SEC23B: variants seen among roughly 807,000 people sequenced by gnomAD.
SEC23B encodes SEC23 homolog B, COPII component, also known as protein transport protein Sec23B.
SEC23B carries 77 observed loss-of-function variants against 104.3 expected under a neutral mutation model. The ratio of observed to expected loss-of-function variants is 0.74; its 90% confidence interval spans 0.61 to 0.89. SEC23B has a LOEUF of 0.89. Ranked by LOEUF, SEC23B falls within the 40% of genes least tolerant of loss-of-function variation. The pLI, the probability that SEC23B is intolerant of heterozygous loss-of-function variation, is 0.00. For missense variants in SEC23B, 885 were observed against 949.4 expected (o/e 0.93, Z 0.89); for synonymous variants, 338 against 332.5 (o/e 1.02, Z -0.18).
chr20:18,510,867 A>C lies in SEC23B; in HGVS notation c.32A>C (p.Asn11Thr). The C allele has an allele frequency of 6.2e-7, 1 of 1,614,228 alleles. No individual in the cohort carries two copies. Among genetic ancestry groups the C allele is most frequent in the South Asian group, 1.1e-5 (1 of 91,086 alleles). The part of the protein sequence containing the change: MATYLEFIQQ[N>T]EERDGVRFSW... ...ACATACCTGGAGTTCATCCAGCAGAATGAAGAACGGGATGGTGTGCGTTTT... is the reference window on the plus strand; with the variant it reads ...ACATACCTGGAGTTCATCCAGCAGACTGAAGAACGGGATGGTGTGCGTTTT... The change falls in exon 2 of 20, where the codon AAT (asparagine) becomes ACT (threonine). Residue 11 changes from asparagine (N) to threonine (T), a missense_variant. Physicochemically the swap from Asn to Thr is moderately conservative, Grantham distance 65. Coordinates refer to ENST00000650089, the MANE Select transcript of SEC23B (RefSeq NM_006363.6).
intron 17 of SEC23B, among the ~76,000 whole-genome samples, chr20:18,551,482 G>A (rs576064268): frequency 4.7e-4 from 72 of 152,268 alleles, no homozygotes; most frequent in Non-Finnish European, 9.0e-4. Context: ...GGGATGCTGA[G>A]GTGGGCAGAT....
intron 19 of SEC23B, among the ~76,000 whole-genome samples, chr20:18,558,050 C>T (rs1363075571): frequency 6.6e-6 from 1 of 152,154 alleles, no homozygotes; most frequent in Non-Finnish European, 1.5e-5. Context: ...CGCGCCTGGC[C>T]TACTTTTAAC....
chr20:18,520,815 C>T (rs905136099), intron 4 of SEC23B, among the ~76,000 whole-genome samples: 8 of 151,916 alleles, frequency 5.3e-5, no homozygotes, highest in African/African-American at 1.5e-4. Context: ...GCTCGGCGTC[C>T]GTGATGGTCT....
intron 19 of SEC23B, 126 bp from the exon 20 acceptor site, chr20:18,560,525 T>C (rs1216481676): frequency 1.3e-6 from 1 of 747,628 alleles, no homozygotes; most frequent in African/African-American, 1.7e-5. Context: ...GAGGATGGGG[T>C]GATGGGAGTA....
At chr20:18,516,452 T>C (rs1024497583) in intron 4 of SEC23B, among the ~76,000 whole-genome samples, 14 of 152,134 alleles carry the variant, frequency 9.2e-5, no homozygotes, top group African/African-American at 3.1e-4. Flanking sequence ...AGAACTAAAC[T>C]GTTTTTATTA....
intron 4 of SEC23B, 146 bp downstream of exon 4, chr20:18,515,882 A>G: frequency 1.5e-6 from 1 of 679,212 alleles, no homozygotes; most frequent in Non-Finnish European, 2.7e-6. Flanking sequence ...ATGTGTGTGC[A>G]TCTACTGGCA....
Position 18,547,095 on chromosome 20 carries a change from A to G in SEC23B, c.1743+1062A>G, listed in dbSNP as rs370809024. Reference sequence around the variant, plus strand: ...AGGACTTGATGAAGACTCTAAGAGCACAGCTTGAAAACCAGATGAAATGCT... The same window carrying G: ...AGGACTTGATGAAGACTCTAAGAGCGCAGCTTGAAAACCAGATGAAATGCT... On this transcript the variant is annotated intron_variant, in intron 15 of 19. Coordinates refer to ENST00000650089, the MANE Select transcript of SEC23B (RefSeq NM_006363.6). 1.8e-4 allele frequency among the ~76,000 whole-genome samples: 28 copies of G among 151,992 alleles called. 1 individual carries two copies. The highest frequency in any genetic ancestry group is 5.2e-4 in the Admixed American group (8 of 15,264).
chr20:18,532,957 G>T (rs1396012847), intron 11 of SEC23B, among the ~76,000 whole-genome samples: 2 of 152,180 alleles, frequency 1.3e-5, no homozygotes, highest in Non-Finnish European at 2.9e-5. Flanking sequence ...GGCCCAGAAA[G>T]GTTCAGTATC....
intron 10 of SEC23B, among the ~76,000 whole-genome samples, chr20:18,531,652 C>CA (rs11482973): frequency 0.34 from 33,825 of 99,408 alleles, 6,059 homozygotes; most frequent in Non-Finnish European, 0.37. Context: ...GAAACTGTCT[C>CA]AAAAAAAAAA....
At chr20:18,512,195 A>G (rs1437110562) in intron 2 of SEC23B, 30 bp from the exon 3 acceptor site, 2 of 1,355,632 alleles carry the variant, frequency 1.5e-6, no homozygotes, top group Non-Finnish European at 1.0e-6. Context: ...TAAAAGTGGT[A>G]CCTACTTATA....
intron 14 of SEC23B, among the ~76,000 whole-genome samples, chr20:18,545,227 C>A (rs2060321582): frequency 6.6e-6 from 1 of 152,018 alleles, no homozygotes; most frequent in African/African-American, 2.4e-5. Flanking sequence ...AAGAACTAAC[C>A]CCCAAGGAGT....
chr20:18,553,174 T>C (rs956754643), intron 17 of SEC23B, among the ~76,000 whole-genome samples: 7 of 152,236 alleles, frequency 4.6e-5, no homozygotes, highest in Non-Finnish European at 7.3e-5. Context: ...GACAGTGACA[T>C]TGCTCTCACC....
chr20:18,525,360 A>G (rs2060124931), intron 6 of SEC23B, among the ~76,000 whole-genome samples: 1 of 152,204 alleles, frequency 6.6e-6, no homozygotes, highest in Admixed American at 6.5e-5. Context: ...AAGCTCGATA[A>G]AATGCATTGC....
intron 9 of SEC23B, among the ~76,000 whole-genome samples, chr20:18,529,664 C>G (rs2060165327): frequency 6.6e-6 from 1 of 152,204 alleles, no homozygotes; most frequent in African/African-American, 2.4e-5. Flanking sequence ...GATTGCTCTT[C>G]CTGGAGGAAC....
rs767325467 is a variant in SEC23B, at chr20:18,554,270, C to A, written c.2028C>A (p.Asp676Glu). ...IAQWRKAGYQ[D>E]MPEYENFKHL... ...AGTGGCGTAAAGCTGGCTACCAGGACATGCCCGAGTATGAAAACTTCAAGC... is the reference window on the plus strand; with the variant it reads ...AGTGGCGTAAAGCTGGCTACCAGGAAATGCCCGAGTATGAAAACTTCAAGC... Residue 676 changes from aspartate to glutamate, a missense_variant, in exon 18 of 20, where the codon GAC becomes GAA. Physicochemically the swap from Asp to Glu is conservative, Grantham distance 45. Coordinates refer to ENST00000650089, the MANE Select transcript of SEC23B (RefSeq NM_006363.6). 8 of 1,614,058 alleles carry A rather than the reference C, an allele frequency of 5.0e-6. No homozygotes were observed. In the Admixed American group the frequency reaches 1.3e-4, roughly 27 times the overall value.
chr20:18,512,361 G>T (rs766065824), intron 3 of SEC23B, 79 bp downstream of exon 3: 2 of 884,232 alleles, frequency 2.3e-6, no homozygotes, highest in Non-Finnish European at 3.7e-6. Flanking sequence ...GGTTGAATTT[G>T]TGTTTACACT....
At chr20:18,513,317 C>A (rs963507282) in intron 3 of SEC23B, among the ~76,000 whole-genome samples, 4 of 151,068 alleles carry the variant, frequency 2.6e-5, no homozygotes, top group African/African-American at 9.8e-5. Flanking sequence ...CACTGCACTT[C>A]AGCCTGGCAA....
rs1053289100 is a variant in SEC23B at position 18,527,477 on chromosome 20, A to T, written c.994-19A>T. Reference sequence around the variant, plus strand: ...AATAATGTCACTGTTTCCTAAAGATAGCTTTCCTCTCTTCACAGCACTATG... The same window carrying T: ...AATAATGTCACTGTTTCCTAAAGATTGCTTTCCTCTCTTCACAGCACTATG... On this transcript the variant is annotated intron_variant, in intron 8 of 19. Coordinates refer to ENST00000650089, the MANE Select transcript of SEC23B (RefSeq NM_006363.6). 7.1e-7 allele frequency: 1 copy of T among 1,400,558 alleles called. No homozygotes were observed. Among genetic ancestry groups the T allele is most frequent in the African/African-American group, 1.4e-5 (1 of 70,764 alleles). The allele number at this position is 1,400,558 out of a possible 1,614,324, so 86.8% of individuals were successfully genotyped here.
At position 18,560,855 on chromosome 20, in the gene SEC23B, T is replaced by G; in HGVS notation, c.*115T>G. On this transcript the variant is annotated 3_prime_UTR_variant, in exon 20 of 20. Coordinates refer to ENST00000650089, the MANE Select transcript of SEC23B (RefSeq NM_006363.6). ...AGATTTTAACAAATAATCAAGGACATTTTATATGTAACTCTTTAGATTATA... is the reference window on the plus strand; with the variant it reads ...AGATTTTAACAAATAATCAAGGACAGTTTATATGTAACTCTTTAGATTATA... 2 of 779,410 alleles carry G rather than the reference T, an allele frequency of 2.6e-6. No individual in the cohort carries two copies. Among genetic ancestry groups the G allele is most frequent in the Non-Finnish European group, 4.6e-6 (2 of 434,996 alleles). 48.3% of individuals were successfully genotyped at this position (779,410 alleles called of 1,614,324 possible). A position where few individuals can be genotyped will look rare whatever the true frequency, so the allele number is the denominator to read the frequency against.
Sources: gnomAD v4.1 joint callset for allele counts (sites outside exome capture counted in the v4.1 genomes callset) on GRCh38, gnomAD v4.1.1 for gene constraint, MANE v1.5 for transcripts, NCBI Gene and HGNC (gene_info 2026-07-23, HGNC 2026-07-21) for gene names.